Variants in PDE1A observed in about 807,000 individuals in gnomAD.
PDE1A encodes dual specificity calcium/calmodulin-dependent 3',5'-cyclic nucleotide phosphodiesterase 1A.
PDE1A carries 35 observed loss-of-function variants against 61.7 expected under a neutral mutation model. The observed-to-expected ratio is 0.57, with a 90% CI of 0.43 to 0.75. PDE1A has a LOEUF of 0.75. Ranked by LOEUF, PDE1A falls within the 30% of genes least tolerant of loss-of-function variation. PDE1A has a pLI of 0.00. For missense variants in PDE1A, 597 were observed against 630.6 expected (o/e 0.95, Z 0.57); for synonymous variants, 232 against 213.2 (o/e 1.09, Z -0.77).
chr2:182,649,607 CAAAAAAA>C, the PDE1A span, among the ~76,000 whole-genome samples: 6 of 113,090 alleles, frequency 5.3e-5, no homozygotes, highest in East Asian at 2.7e-4. Flanking sequence ...CCACTCTATA[CAAAAAAA>C]AAAAAAAAAA....
intron 1 of PDE1A, among the ~76,000 whole-genome samples, chr2:182,273,532 ACAGGCACATATTT>A (rs1693187415): frequency 6.6e-6 from 1 of 151,996 alleles, no homozygotes; most frequent in African/African-American, 2.4e-5. Flanking sequence ...CTAACTGAAA[ACAGGCACATATTT>A]CAGGTTTGAG....
chr2:182,477,481 C>T (rs542537504), intron 2 of PDE1A, among the ~76,000 whole-genome samples: 6 of 151,790 alleles, frequency 4.0e-5, no homozygotes, highest in African/African-American at 7.3e-5. Context: ...CCTTGAGTCA[C>T]GTAGTGAATG....
intron 1 of PDE1A, among the ~76,000 whole-genome samples, chr2:182,422,302 T>C (rs535165797): frequency 4.6e-5 from 7 of 152,312 alleles, no homozygotes; most frequent in East Asian, 1.9e-4. Context: ...GTTTAACATA[T>C]AAGAATCATT....
the PDE1A span, among the ~76,000 whole-genome samples, chr2:182,557,814 T>A: frequency 6.6e-6 from 1 of 152,134 alleles, no homozygotes; most frequent in South Asian, 2.1e-4. Context: ...TTTAGTAGCA[T>A]ATTTCCTAGA....
chr2:182,264,867 G>GTATATATATAAATATATATATATA (rs1216416384), intron 1 of PDE1A, among the ~76,000 whole-genome samples: 1 of 34,142 alleles, frequency 2.9e-5, no homozygotes, highest in African/African-American at 2.0e-4. Flanking sequence ...AGAAAATGTG[G>GTATATATATAAATATATATATATA]TATATATATA....
At chr2:182,611,752 GA>G in the PDE1A span, among the ~76,000 whole-genome samples, 1,099 of 146,670 alleles carry the variant, frequency 7.5e-3, 13 homozygotes, top group African/African-American at 0.024. Flanking sequence ...GAAGAAAAAA[GA>G]AAAAAAAAAT....
At chr2:182,653,359 A>G in the PDE1A span, among the ~76,000 whole-genome samples, 1 of 152,146 alleles carries the variant, frequency 6.6e-6, no homozygotes, top group Non-Finnish European at 1.5e-5. Flanking sequence ...ATTTAAGGCA[A>G]TTCTGAAGGA....
chr2:182,705,996 C>T, the PDE1A span, among the ~76,000 whole-genome samples: 3 of 152,168 alleles, frequency 2.0e-5, no homozygotes, highest in Admixed American at 1.3e-4. Context: ...AGTTATGCAA[C>T]GGAATTGTTA....
intron 2 of PDE1A, among the ~76,000 whole-genome samples, chr2:182,479,852 G>A (rs1327034307): frequency 6.6e-6 from 1 of 151,674 alleles, no homozygotes; most frequent in Non-Finnish European, 1.5e-5. Context: ...TTTACCTGCA[G>A]AAGTCATTTG....
chr2:182,546,131 G>C, the PDE1A span, among the ~76,000 whole-genome samples: 2 of 152,100 alleles, frequency 1.3e-5, no homozygotes, highest in Non-Finnish European at 2.9e-5. Flanking sequence ...GCAAGTGTTG[G>C]TAATCATCTC....
At chr2:182,439,950 T>C (rs995282766) in intron 2 of PDE1A, among the ~76,000 whole-genome samples, 1 of 152,068 alleles carries the variant, frequency 6.6e-6, no homozygotes, top group Admixed American at 6.6e-5. Flanking sequence ...GGAGGACATG[T>C]GTAGGAACAC....
chr2:182,560,240 A>G, the PDE1A span, among the ~76,000 whole-genome samples: 3 of 110,746 alleles, frequency 2.7e-5, no homozygotes, highest in African/African-American at 1.1e-4. Flanking sequence ...CAGTCACCAG[A>G]GTGTGATGTT....
intron 10 of PDE1A, among the ~76,000 whole-genome samples, chr2:182,200,698 G>C (rs1336610718): frequency 6.6e-6 from 1 of 152,222 alleles, no homozygotes; most frequent in East Asian, 1.9e-4. Flanking sequence ...AGAGAGGGTT[G>C]TGGGAACCAC....
intron 2 of PDE1A, among the ~76,000 whole-genome samples, chr2:182,489,534 G>A (rs150470187): frequency 0.01 from 1,548 of 152,282 alleles, 19 homozygotes; most frequent in Middle Eastern, 0.027. Flanking sequence ...GCTCGGACCA[G>A]GGAGGTTGCA....
chr2:182,666,144 A>T, the PDE1A span, among the ~76,000 whole-genome samples: 11 of 152,294 alleles, frequency 7.2e-5, no homozygotes, highest in African/African-American at 2.6e-4. Flanking sequence ...TAGGTGCAGC[A>T]AACCACCATG....
intron 1 of PDE1A, among the ~76,000 whole-genome samples, chr2:182,280,098 T>C (rs1359883689): frequency 6.6e-6 from 1 of 151,964 alleles, no homozygotes; most frequent in Non-Finnish European, 1.5e-5. Context: ...GTTCATTACA[T>C]AGCTGAATAG....
chr2:182,166,707 C>A (rs1292704468), downstream of PDE1A, among the ~76,000 whole-genome samples: 1 of 152,172 alleles, frequency 6.6e-6, no homozygotes, highest in Non-Finnish European at 1.5e-5. Context: ...TTGTTTCTGT[C>A]CCTCTGGAGA....
In PDE1A at chr2:182,335,921, G is replaced by GA. The variant is rs569300513; in HGVS notation, c.54-71508dup. Among the ~76,000 whole-genome samples, 5 of 151,868 alleles carry GA rather than the reference G, an allele frequency of 3.3e-5. No homozygotes were observed. The East Asian group carries it at 9.7e-4, about 29-fold the overall frequency. On this transcript the variant is annotated intron_variant, in intron 1 of 13. Coordinates refer to ENST00000351439, the Ensembl canonical transcript of PDE1A. ...ACAAGGAACTTAAACAAATTTACAA[G>GA]AAAAAAATAAACAACCCCATCAAAA...
At chr2:182,519,927 A>T (rs1210162347) in intron 2 of PDE1A, among the ~76,000 whole-genome samples, 1 of 151,942 alleles carries the variant, frequency 6.6e-6, no homozygotes, top group Non-Finnish European at 1.5e-5. Context: ...ATAAAGTACA[A>T]GATTTTAAAA....
Sources: allele counts gnomAD v4.1 joint callset (sites outside exome capture counted in the v4.1 genomes callset), GRCh38; gene constraint gnomAD v4.1.1; transcripts MANE v1.5; gene names NCBI Gene and HGNC (gene_info 2026-07-23, HGNC 2026-07-21).